Variants in RANBP2 observed in about 807,000 individuals in gnomAD.
RANBP2 encodes the protein E3 SUMO-protein ligase RanBP2.
A neutral mutation model predicts 303.6 loss-of-function variants in RANBP2; 57 were observed. The ratio of observed to expected loss-of-function variants is 0.19; its 90% CI spans 0.15 to 0.23. RANBP2 has a LOEUF of 0.23. RANBP2 is among the 10% of genes least tolerant of loss of function. The probability of loss-of-function intolerance (pLI) is 1.00; values close to 1 mark genes in which losing one functional copy is unlikely to be tolerated. For synonymous variants in RANBP2, 1,167 were observed against 1,301.5 expected, an observed-to-expected ratio of 0.90 and a Z score of 2.23; for missense variants, 3,138 against 3,780.8, an observed-to-expected ratio of 0.83 and a Z score of 4.46.
At chr2:109,574,467 T>C in the RANBP2 span, 3 of 508,670 alleles carry the variant, frequency 5.9e-6, no homozygotes, top group East Asian at 4.3e-5. Context: ...AAAAAAAAAA[T>C]TTAAAAAAGA....
the RANBP2 span, chr2:109,614,228 G>T: frequency 1.1e-6 from 1 of 875,316 alleles, no homozygotes; most frequent in Non-Finnish European, 1.5e-6. Flanking sequence ...AGGCGAGGCC[G>T]CCCTAGGTAG....
At chr2:109,199,642 T>TCAAC in the RANBP2 span, among the ~76,000 whole-genome samples, 1 of 24 alleles carries the variant, frequency 0.042, no homozygotes, top group Admixed American at 0.12. Context: ...TGGAATGGAA[T>TCAAC]GGAATGGAAT....
chr2:108,786,823 A>G (rs746571575), downstream of RANBP2: 12 of 1,587,074 alleles, frequency 7.6e-6, no homozygotes, highest in African/African-American at 5.4e-5. Context: ...GCTGTGTGCT[A>G]TGGAGCCGAG....
At chr2:109,243,338 G>A in the RANBP2 span, among the ~76,000 whole-genome samples, 2 of 152,254 alleles carry the variant, frequency 1.3e-5, no homozygotes, top group African/African-American at 4.8e-5. Flanking sequence ...GAGATTCCAT[G>A]TGCTTAGTCT....
At chr2:109,607,747 T>G in the RANBP2 span, among the ~76,000 whole-genome samples, 1 of 152,146 alleles carries the variant, frequency 6.6e-6, no homozygotes, top group East Asian at 1.9e-4. Flanking sequence ...CTCCCCTGAC[T>G]TCTCACCCAA....
At chr2:109,612,541 T>A in the RANBP2 span, among the ~76,000 whole-genome samples, 1 of 152,248 alleles carries the variant, frequency 6.6e-6, no homozygotes. Flanking sequence ...AAATACAGTT[T>A]AATTCGAAAA....
At chr2:109,592,705 G>C in the RANBP2 span, among the ~76,000 whole-genome samples, 29 of 151,218 alleles carry the variant, frequency 1.9e-4, no homozygotes, top group East Asian at 3.7e-3. Flanking sequence ...GCTTGAACCC[G>C]GGAGGCAGAG....
At chr2:108,870,971 A>G in the RANBP2 span, among the ~76,000 whole-genome samples, 2 of 152,220 alleles carry the variant, frequency 1.3e-5, no homozygotes, top group Admixed American at 6.5e-5. Flanking sequence ...TGTTATGCAT[A>G]TTTAACACCA....
downstream of RANBP2, among the ~76,000 whole-genome samples, chr2:108,787,552 T>C (rs1324611760): frequency 2.6e-5 from 4 of 152,164 alleles, no homozygotes; most frequent in African/African-American, 9.7e-5. Flanking sequence ...TAATCTAGAG[T>C]TCATAAGAAA....
chr2:109,045,430 G>T, the RANBP2 span, among the ~76,000 whole-genome samples: 4 of 152,180 alleles, frequency 2.6e-5, no homozygotes, highest in Non-Finnish European at 5.9e-5. Flanking sequence ...AGCCCAGCGA[G>T]GAAGGGCTTT....
the RANBP2 span, among the ~76,000 whole-genome samples, chr2:109,408,749 G>A: frequency 6.6e-6 from 1 of 152,366 alleles, no homozygotes; most frequent in Non-Finnish European, 1.5e-5. Context: ...CTGTAAAGGA[G>A]GCACTTTCTG....
At chr2:108,910,613 T>A in the RANBP2 span, 1 of 1,415,774 alleles carries the variant, frequency 7.1e-7, no homozygotes, top group Non-Finnish European at 9.9e-7. Context: ...CTGCTCTTCC[T>A]GTTGGGCAGA....
the RANBP2 span, among the ~76,000 whole-genome samples, chr2:109,063,649 A>G: frequency 6.6e-6 from 1 of 152,306 alleles, no homozygotes; most frequent in Admixed American, 6.5e-5. Flanking sequence ...ACACACAGGC[A>G]CATACAAGAG....
chr2:109,390,011 AAATT>A, the RANBP2 span, among the ~76,000 whole-genome samples: 1 of 152,126 alleles, frequency 6.6e-6, no homozygotes, highest in Admixed American at 6.6e-5. Context: ...GCGCCCTGGG[AAATT>A]AATCACTTTG....
chr2:109,677,064 A>T, the RANBP2 span, among the ~76,000 whole-genome samples: 1 of 152,338 alleles, frequency 6.6e-6, no homozygotes, highest in East Asian at 1.9e-4. Flanking sequence ...CCCGATGGGC[A>T]GATGGGCCCT....
chr2:109,698,397 T>C, the RANBP2 span, among the ~76,000 whole-genome samples: 2 of 150,710 alleles, frequency 1.3e-5, no homozygotes, highest in Non-Finnish European at 3.0e-5. Context: ...AACTGGGAGG[T>C]GGAGGTTGCA....
chr2:109,061,422 T>C, the RANBP2 span, among the ~76,000 whole-genome samples: 1 of 152,180 alleles, frequency 6.6e-6, no homozygotes, highest in Non-Finnish European at 1.5e-5. Context: ...GGAGTCATCT[T>C]GCTCATCTCT....
chr2:109,259,310 G>C, the RANBP2 span, among the ~76,000 whole-genome samples: 1,320 of 152,284 alleles, frequency 8.7e-3, 6 homozygotes, highest in Non-Finnish European at 0.015. Context: ...GCAGAGGCCT[G>C]GCTCTGACAG....
the RANBP2 span, among the ~76,000 whole-genome samples, chr2:109,761,466 T>C: frequency 6.7e-6 from 1 of 148,832 alleles, no homozygotes; most frequent in African/African-American, 2.5e-5. Flanking sequence ...AGGTATCCCT[T>C]TGTGCCACGC....
Sources: gnomAD v4.1 joint callset for allele counts (sites outside exome capture counted in the v4.1 genomes callset) on GRCh38, gnomAD v4.1.1 for gene constraint, MANE v1.5 for transcripts, NCBI Gene and HGNC (gene_info 2026-07-23, HGNC 2026-07-21) for gene names.